RANBP2: variants seen among roughly 807,000 people sequenced by gnomAD.
The protein encoded by RANBP2 is RAN binding protein 2, also known as E3 SUMO-protein ligase RanBP2.
Under a neutral mutation model 303.6 loss-of-function variants are expected in RANBP2, and 57 were observed. The ratio of observed to expected loss-of-function variants is 0.19; its 90% CI spans 0.15 to 0.23. The LOEUF is 0.23. Ranked by LOEUF, RANBP2 falls within the 10% of genes least tolerant of loss-of-function variation. The pLI is 1.00. For synonymous variants in RANBP2, 1,167 were observed against 1,301.5 expected (o/e 0.90, Z 2.23); for missense variants, 3,138 against 3,780.8 (o/e 0.83, Z 4.46).
chr2:109,481,985 G>A, the RANBP2 span, among the ~76,000 whole-genome samples: 2 of 152,194 alleles, frequency 1.3e-5, no homozygotes. Context: ...AGACCTCAAC[G>A]GTGCATTCTA....
At chr2:109,189,410 C>T in the RANBP2 span, among the ~76,000 whole-genome samples, 1 of 151,600 alleles carries the variant, frequency 6.6e-6, no homozygotes, top group Non-Finnish European at 1.5e-5. Flanking sequence ...TCTCTGTCGC[C>T]CAGGCTGGAG....
chr2:109,531,037 T>C, the RANBP2 span, among the ~76,000 whole-genome samples: 68 of 152,112 alleles, frequency 4.5e-4, no homozygotes, highest in African/African-American at 1.6e-3. Context: ...TTCCCTCACC[T>C]CTCTAGCCCA....
chr2:109,602,103 C>G, the RANBP2 span, among the ~76,000 whole-genome samples: 2 of 152,168 alleles, frequency 1.3e-5, no homozygotes, highest in Non-Finnish European at 1.5e-5. Flanking sequence ...AGGGTTCCAA[C>G]AGCGGCACAG....
chr2:109,129,513 G>A, the RANBP2 span: 1 of 1,495,540 alleles, frequency 6.7e-7, no homozygotes, highest in South Asian at 1.2e-5. Context: ...CTAGGCAGCC[G>A]CGCGAGACCG....
the RANBP2 span, among the ~76,000 whole-genome samples, chr2:109,623,274 C>A: frequency 6.6e-6 from 1 of 152,156 alleles, no homozygotes; most frequent in African/African-American, 2.4e-5. Flanking sequence ...GAGCCCATAC[C>A]CACCCCCGGC....
the RANBP2 span, among the ~76,000 whole-genome samples, chr2:108,824,950 A>C: frequency 1.3e-5 from 2 of 152,220 alleles, no homozygotes; most frequent in African/African-American, 4.8e-5. Context: ...AAGATTAAAA[A>C]TTGGTAAAGA....
the RANBP2 span, among the ~76,000 whole-genome samples, chr2:109,402,284 A>T: frequency 6.6e-6 from 1 of 152,204 alleles, no homozygotes; most frequent in African/African-American, 2.4e-5. Flanking sequence ...GGCGAGCCAG[A>T]CTCAGGTCCT....
chr2:109,707,455 A>T, the RANBP2 span, among the ~76,000 whole-genome samples: 1 of 152,254 alleles, frequency 6.6e-6, no homozygotes, highest in Non-Finnish European at 1.5e-5. Flanking sequence ...TACCCTGATT[A>T]TACCCTTAGC....
the RANBP2 span, among the ~76,000 whole-genome samples, chr2:109,218,142 T>A: frequency 1.5e-5 from 2 of 132,014 alleles, no homozygotes; most frequent in Non-Finnish European, 3.0e-5. Flanking sequence ...GTCCTCTCCT[T>A]TTCTGTTCTA....
the RANBP2 span, among the ~76,000 whole-genome samples, chr2:109,717,281 A>C: frequency 1.3e-5 from 2 of 150,986 alleles, no homozygotes; most frequent in Non-Finnish European, 3.0e-5. Context: ...CCAAAAAAAA[A>C]AAAAAAAAAA....
At chr2:109,694,436 A>C in the RANBP2 span, among the ~76,000 whole-genome samples, 1 of 138,842 alleles carries the variant, frequency 7.2e-6, no homozygotes, top group Admixed American at 7.8e-5. Flanking sequence ...ATGGAATCTC[A>C]CTCTGTCATC....
the RANBP2 span, among the ~76,000 whole-genome samples, chr2:109,424,486 T>TC: frequency 6.6e-6 from 1 of 151,920 alleles, no homozygotes; most frequent in Non-Finnish European, 1.5e-5. Context: ...GCATTTTTTT[T>TC]ACAAATTGAA....
In RANBP2 at chr2:108,761,975, A is replaced by G. The variant is rs1477848804; in HGVS notation, c.2603-126A>G. 16 of 1,166,498 alleles carry G rather than the reference A, an allele frequency of 1.4e-5. No individual in the cohort carries two copies. In the East Asian group the frequency reaches 2.3e-4, roughly 17 times the overall value. The allele number at this position is 1,166,498 out of a possible 1,614,324, so 72.3% of individuals were successfully genotyped here. A position where few individuals can be genotyped will look rare whatever the true frequency, so the allele number is the denominator to read the frequency against. On this transcript the variant is annotated intron_variant, in intron 18 of 28. Transcript: ENST00000283195. ...GGTGTATTTTGATGTACAGAAATTT[A>G]AAATTTATGTAGTTAAATCTTTCTT...
At chr2:109,343,683 G>A in the RANBP2 span, among the ~76,000 whole-genome samples, 1 of 152,006 alleles carries the variant, frequency 6.6e-6, no homozygotes, top group East Asian at 1.9e-4. Flanking sequence ...CCTGTGGAGA[G>A]GTGGCCAGGC....
At chr2:108,924,499 G>A in the RANBP2 span, among the ~76,000 whole-genome samples, 1 of 152,324 alleles carries the variant, frequency 6.6e-6, no homozygotes, top group African/African-American at 2.4e-5. Flanking sequence ...TCCCTATTGC[G>A]ATTCAAGAAC....
At chr2:109,512,277 G>A in the RANBP2 span, among the ~76,000 whole-genome samples, 8 of 151,882 alleles carry the variant, frequency 5.3e-5, no homozygotes, top group Non-Finnish European at 1.2e-4. Context: ...CATGTGTCCC[G>A]GCCCTCCCTG....
At chr2:109,730,853 A>G in the RANBP2 span, among the ~76,000 whole-genome samples, 12 of 142,964 alleles carry the variant, frequency 8.4e-5, no homozygotes, top group Non-Finnish European at 1.3e-4. Context: ...CAGTGGCGCA[A>G]TCTCAGCTCA....
the RANBP2 span, among the ~76,000 whole-genome samples, chr2:109,161,188 T>C: frequency 3.9e-5 from 6 of 152,104 alleles, no homozygotes; most frequent in African/African-American, 1.4e-4. Flanking sequence ...TTCGGAACAA[T>C]AGTTAAATCC....
chr2:108,789,881 A>G (rs1452606957), downstream of RANBP2, among the ~76,000 whole-genome samples: 1 of 152,224 alleles, frequency 6.6e-6, no homozygotes, highest in African/African-American at 2.4e-5. Context: ...TTTAATGCTA[A>G]AAATATGTGG....
Sources: gnomAD v4.1 joint callset for allele counts (sites outside exome capture counted in the v4.1 genomes callset) on GRCh38, gnomAD v4.1.1 for gene constraint, MANE v1.5 for transcripts, NCBI Gene and HGNC (gene_info 2026-07-23, HGNC 2026-07-21) for gene names.